LRBA: variants seen among roughly 807,000 people sequenced by gnomAD.
The protein encoded by LRBA is LPS responsive beige-like anchor protein, also known as lipopolysaccharide-responsive and beige-like anchor protein.
In LRBA, 176 loss-of-function variants were observed where a neutral mutation model predicts 330.0. That is an observed-to-expected ratio of 0.53 (90% CI 0.47 to 0.60). LRBA has a LOEUF of 0.60. Ranked by LOEUF, LRBA falls within the 20% of genes least tolerant of loss-of-function variation. The probability of loss-of-function intolerance (pLI) is 0.00; values close to 1 mark genes in which losing one functional copy is unlikely to be tolerated. For synonymous variants in LRBA, 1,230 were observed against 1,193.0 expected (o/e 1.03, Z -0.64); for missense variants, 3,259 against 3,444.8 (o/e 0.95, Z 1.35).
chr4:150,266,409 G>GAAGAT (rs1165798683), intron 56 of LRBA, among the ~76,000 whole-genome samples: 2 of 152,200 alleles, frequency 1.3e-5, no homozygotes, highest in Non-Finnish European at 2.9e-5. Flanking sequence ...CGAAATCACT[G>GAAGAT]AAGATAAGAA....
At chr4:150,805,446 G>GGAAAGGAAA (rs1742538646) in intron 33 of LRBA, among the ~76,000 whole-genome samples, 3 of 39,740 alleles carry the variant, frequency 7.5e-5, no homozygotes, top group Admixed American at 3.8e-4. Context: ...AGGAAGGAAA[G>GGAAAGGAAA]GGAAAGGAAA....
intron 34 of LRBA, among the ~76,000 whole-genome samples, chr4:150,774,934 T>C (rs1369533379): frequency 6.6e-6 from 1 of 152,200 alleles, no homozygotes; most frequent in African/African-American, 2.4e-5. Flanking sequence ...TACTATCTAC[T>C]TCTCCCCTAC....
chr4:150,406,439 A>G (rs1286272505), intron 47 of LRBA, among the ~76,000 whole-genome samples: 1 of 152,238 alleles, frequency 6.6e-6, no homozygotes, highest in East Asian at 1.9e-4. Flanking sequence ...ACTATATGCT[A>G]TCTACAAAAG....
intron 42 of LRBA, among the ~76,000 whole-genome samples, chr4:150,472,946 T>C (rs74779484): frequency 0.011 from 1,722 of 152,268 alleles, 35 homozygotes; most frequent in African/African-American, 0.039. Context: ...TAAACATTCA[T>C]GTATATATCT....
intron 34 of LRBA, among the ~76,000 whole-genome samples, chr4:150,763,919 G>C (rs557801798): frequency 1.3e-5 from 2 of 152,068 alleles, no homozygotes; most frequent in African/African-American, 4.8e-5. Flanking sequence ...TCAGCAAGAA[G>C]TACGATACTT....
chr4:150,992,951 T>C (rs1742259967), intron 2 of LRBA, among the ~76,000 whole-genome samples: 1 of 152,162 alleles, frequency 6.6e-6, no homozygotes, highest in Non-Finnish European at 1.5e-5. Context: ...AGCAAAGTTT[T>C]TACAGTATCT....
At chr4:150,805,128 T>C (rs1713908290) in intron 33 of LRBA, among the ~76,000 whole-genome samples, 1 of 143,754 alleles carries the variant, frequency 7.0e-6, no homozygotes. Flanking sequence ...CTCTCTCTAA[T>C]ATTCGAAGGC....
intron 34 of LRBA, among the ~76,000 whole-genome samples, chr4:150,781,363 T>C (rs1360290372): frequency 6.6e-6 from 1 of 152,202 alleles, no homozygotes; most frequent in African/African-American, 2.4e-5. Flanking sequence ...ACAACTTAGA[T>C]CAGCTGCACG....
intron 37 of LRBA, among the ~76,000 whole-genome samples, chr4:150,639,755 A>ATGTG (rs1315117133): frequency 0.034 from 694 of 20,210 alleles, 88 homozygotes; most frequent in African/African-American, 0.15. Context: ...ATATATATAT[A>ATGTG]TATATATATA....
chr4:150,377,848 A>G (rs575093518), intron 47 of LRBA, among the ~76,000 whole-genome samples: 3 of 151,812 alleles, frequency 2.0e-5, no homozygotes, highest in Non-Finnish European at 4.4e-5. Flanking sequence ...TTAGCCAGGC[A>G]TGGTGGTAGG....
At chr4:150,864,581 C>G (rs576442116) in intron 22 of LRBA, among the ~76,000 whole-genome samples, 1 of 150,734 alleles carries the variant, frequency 6.6e-6, no homozygotes. Context: ...CACCCTCATA[C>G]AGCTATGCAG....
intron 37 of LRBA, among the ~76,000 whole-genome samples, chr4:150,648,424 T>C (rs1779409227): frequency 1.3e-5 from 2 of 151,996 alleles, no homozygotes; most frequent in Non-Finnish European, 2.9e-5. Context: ...AGAGAGACTA[T>C]GCAGCAGACT....
At position 150,467,665 on chromosome 4, in the gene LRBA, G is replaced by A. The variant is rs183029096; in HGVS notation, c.6780+8C>T. 76 of 1,476,726 alleles carry A rather than the reference G, an allele frequency of 5.1e-5. No individual in the cohort carries two copies. In the African/African-American group the frequency reaches 6.5e-4, roughly 13 times the overall value. 91.5% of individuals were successfully genotyped at this position (1,476,726 alleles called of 1,614,324 possible). ...CAATTATATTTCACATCATTACTGA[G>A]AAATTACCTTGGACAAATCTCTGAA... is the stretch of plus-strand genomic sequence containing the variant. On this transcript the variant is annotated splice_region_variant and intron_variant, in intron 44 of 56. Transcript: ENST00000651943.
At chr4:150,327,069 C>T (rs569979696) in intron 48 of LRBA, among the ~76,000 whole-genome samples, 1 of 152,152 alleles carries the variant, frequency 6.6e-6, no homozygotes, top group East Asian at 1.9e-4. Context: ...AAGGAGGTAG[C>T]AACACTGCTA....
intron 41 of LRBA, among the ~76,000 whole-genome samples, chr4:150,488,532 T>C (rs1350288956): frequency 1.3e-5 from 2 of 151,610 alleles, no homozygotes; most frequent in Non-Finnish European, 3.0e-5. Flanking sequence ...TGTCAATATG[T>C]AAACATATTT....
intron 39 of LRBA, among the ~76,000 whole-genome samples, chr4:150,589,301 G>T (rs951976060): frequency 6.6e-6 from 1 of 152,148 alleles, no homozygotes; most frequent in Non-Finnish European, 1.5e-5. Flanking sequence ...GGGTGATAGT[G>T]CTTAATCTCA....
intron 51 of LRBA, among the ~76,000 whole-genome samples, chr4:150,311,720 C>T (rs1266080310): frequency 6.6e-6 from 1 of 152,106 alleles, no homozygotes; most frequent in Non-Finnish European, 1.5e-5. Flanking sequence ...GATTAATGGG[C>T]TAGAAAGTGA....
At chr4:150,314,005 G>A (rs1214367707) in intron 51 of LRBA, among the ~76,000 whole-genome samples, 2 of 151,930 alleles carry the variant, frequency 1.3e-5, no homozygotes, top group African/African-American at 4.8e-5. Flanking sequence ...AAAAGTTTCA[G>A]AGTTTGGAGT....
chr4:150,508,671 T>A (rs1330391980), intron 40 of LRBA, among the ~76,000 whole-genome samples: 2 of 152,200 alleles, frequency 1.3e-5, no homozygotes, highest in Non-Finnish European at 2.9e-5. Context: ...GAGGCTTTAT[T>A]TAACTATCCT....
Sources: allele counts gnomAD v4.1 joint callset (sites outside exome capture counted in the v4.1 genomes callset), GRCh38; gene constraint gnomAD v4.1.1; transcripts MANE v1.5; gene names NCBI Gene and HGNC (gene_info 2026-07-23, HGNC 2026-07-21).